RBFOX1: variants seen among roughly 807,000 people sequenced by gnomAD.
The protein encoded by RBFOX1 is RNA binding protein fox-1 homolog 1.
RBFOX1 carries 8 observed loss-of-function variants against 57.7 expected under a neutral mutation model. That is an observed-to-expected ratio of 0.14 (90% confidence interval 0.08 to 0.25). RBFOX1 has a LOEUF of 0.25. Ranked by LOEUF, RBFOX1 falls within the 10% of genes least tolerant of loss-of-function variation. The pLI, the probability that RBFOX1 is intolerant of heterozygous loss-of-function variation, is 1.00. For synonymous variants in RBFOX1, 326 were observed against 222.4 expected (o/e 1.47, Z -4.15); for missense variants, 611 against 548.5 (o/e 1.11, Z -1.14).
intron 1 of RBFOX1, among the ~76,000 whole-genome samples, chr16:5,416,546 G>A (rs1461823420): frequency 6.6e-6 from 1 of 152,050 alleles, no homozygotes; most frequent in Non-Finnish European, 1.5e-5. Flanking sequence ...AATTGCATAG[G>A]TTATAGAATT....
intron 4 of RBFOX1, among the ~76,000 whole-genome samples, chr16:5,921,603 G>T (rs2058823442): frequency 6.6e-6 from 1 of 152,174 alleles, no homozygotes; most frequent in South Asian, 2.1e-4. Context: ...ATGAGAAATA[G>T]GAAAAGGAAG....
intron 3 of RBFOX1, among the ~76,000 whole-genome samples, chr16:5,618,822 C>G (rs1196245969): frequency 6.6e-6 from 1 of 152,180 alleles, no homozygotes; most frequent in East Asian, 1.9e-4. Flanking sequence ...AAAAGGCAAC[C>G]TTCAATGTGG....
At chr16:6,822,803 C>G (rs1312562726) in intron 3 of RBFOX1, among the ~76,000 whole-genome samples, 3 of 152,192 alleles carry the variant, frequency 2.0e-5, no homozygotes, top group Admixed American at 6.5e-5. Context: ...GACTCTCCAA[C>G]CAGGTTAAGC....
At chr16:5,810,003 G>A (rs1006532178) in intron 3 of RBFOX1, among the ~76,000 whole-genome samples, 2 of 152,106 alleles carry the variant, frequency 1.3e-5, no homozygotes, top group African/African-American at 4.8e-5. Context: ...CCATAAAAAA[G>A]GATGAGTTCA....
At chr16:6,911,148 C>T (rs1035661757) in intron 3 of RBFOX1, among the ~76,000 whole-genome samples, 1 of 151,016 alleles carries the variant, frequency 6.6e-6, no homozygotes, top group African/African-American at 2.4e-5. Flanking sequence ...TTGGAGTGAG[C>T]CGATAATCGC....
Position 6,302,589 on chromosome 16 carries a change from G to A in RBFOX1, c.-126-14406G>A, listed in dbSNP as rs191454313. On this transcript the variant is annotated intron_variant, in intron 1 of 15. Coordinates refer to ENST00000550418, the MANE Select transcript of RBFOX1 (RefSeq NM_018723.4). ...TGGTATTGACAGCGTTGAACCATAT[G>A]TACACTTTTGAGGTATCTTTGCTCT... Among the ~76,000 whole-genome samples the A allele has an allele frequency of 4.6e-5, 7 of 152,268 alleles. No individual in the cohort carries two copies. The South Asian group carries it at 8.3e-4, about 18-fold the overall frequency.
chr16:7,180,714 GAAA>G (rs71391606), intron 4 of RBFOX1, among the ~76,000 whole-genome samples: 45,485 of 146,100 alleles, frequency 0.31, 7,336 homozygotes, highest in Non-Finnish European at 0.37. Flanking sequence ...TTATTATGAT[GAAA>G]AAAAAAAAAA....
chr16:5,849,807 GT>G (rs2056848036), intron 3 of RBFOX1, among the ~76,000 whole-genome samples: 1 of 152,140 alleles, frequency 6.6e-6, no homozygotes, highest in Admixed American at 6.5e-5. Context: ...GGAATTTTGA[GT>G]TGTGCTGTCA....
intron 1 of RBFOX1, among the ~76,000 whole-genome samples, chr16:5,273,527 G>A (rs2063067838): frequency 6.6e-6 from 1 of 152,222 alleles, no homozygotes; most frequent in Admixed American, 6.5e-5. Context: ...AAGCTTTGGT[G>A]TCTGAAGAGA....
intron 3 of RBFOX1, among the ~76,000 whole-genome samples, chr16:5,749,472 G>T (rs1001336458): frequency 4.6e-5 from 7 of 152,076 alleles, no homozygotes; most frequent in African/African-American, 1.7e-4. Context: ...TTCCAACTTG[G>T]TGCCATTCTC....
rs112237526 is a variant in RBFOX1 at position 5,771,643 on chromosome 16, A to G, written c.319-95660A>G. Among the ~76,000 whole-genome samples, 675 of 152,250 alleles carry G rather than the reference A, an allele frequency of 4.4e-3. 8 individuals are homozygous for G. The highest frequency in any genetic ancestry group is 0.016 in the African/African-American group (648 of 41,542). ...AGGCTGGTCTTGAACTTCTAGCCTCATGTGATCCAACTGCTTCGGCCTCCC... is the reference window on the plus strand; with the variant it reads ...AGGCTGGTCTTGAACTTCTAGCCTCGTGTGATCCAACTGCTTCGGCCTCCC... On this transcript the variant is annotated intron_variant, in intron 3 of 19. Transcript: ENST00000641259.
intron 12 of RBFOX1, among the ~76,000 whole-genome samples, chr16:7,662,332 C>T (rs903616413): frequency 2.0e-5 from 3 of 152,204 alleles, no homozygotes; most frequent in Non-Finnish European, 2.9e-5. Context: ...GTCTGTTAAT[C>T]GTATTTCTCC....
chr16:6,775,949 A>G (rs2079256563), intron 3 of RBFOX1: 2 of 152,194 alleles, frequency 1.3e-5, no homozygotes, highest in Admixed American at 1.3e-4. Flanking sequence ...ATGGCTAACC[A>G]GGGATTGTGT....
At chr16:5,369,992 G>A (rs2065817555) in intron 1 of RBFOX1, among the ~76,000 whole-genome samples, 2 of 152,136 alleles carry the variant, frequency 1.3e-5, no homozygotes, top group African/African-American at 4.8e-5. Context: ...TACTGCCCTG[G>A]ATGGAGACAA....
intron 4 of RBFOX1, among the ~76,000 whole-genome samples, chr16:7,109,694 A>G (rs957551150): frequency 4.6e-5 from 7 of 152,164 alleles, no homozygotes; most frequent in Admixed American, 2.6e-4. Flanking sequence ...CAGCAGCTGC[A>G]AGGAGTAAAG....
chr16:7,352,551 GC>G (rs2097147301), intron 4 of RBFOX1, among the ~76,000 whole-genome samples: 3 of 152,008 alleles, frequency 2.0e-5, no homozygotes, highest in Non-Finnish European at 2.9e-5. Context: ...TTGTTCTAGG[GC>G]CCTTTGCAGC....
At chr16:7,480,287 G>C (rs1272017861) in intron 4 of RBFOX1, among the ~76,000 whole-genome samples, 1 of 152,156 alleles carries the variant, frequency 6.6e-6, no homozygotes, top group Admixed American at 6.5e-5. Context: ...CTGACATCTA[G>C]TCCTTCTTCT....
chr16:6,896,159 G>T (rs1412166114), intron 3 of RBFOX1, among the ~76,000 whole-genome samples: 2 of 152,088 alleles, frequency 1.3e-5, no homozygotes, highest in African/African-American at 4.8e-5. Context: ...TGTAATCCCA[G>T]CTACTCAGGA....
At chr16:7,004,458 T>A (rs924439793) in intron 3 of RBFOX1, among the ~76,000 whole-genome samples, 4 of 152,098 alleles carry the variant, frequency 2.6e-5, no homozygotes, top group Non-Finnish European at 5.9e-5. Flanking sequence ...ATAGCCTGGA[T>A]TTGAAGGTTT....
Sources: gnomAD v4.1 joint callset for allele counts (sites outside exome capture counted in the v4.1 genomes callset) on GRCh38, gnomAD v4.1.1 for gene constraint, MANE v1.5 for transcripts, NCBI Gene and HGNC (gene_info 2026-07-23, HGNC 2026-07-21) for gene names.